Variants in MTCP1 observed in about 807,000 individuals in gnomAD.
MTCP1 encodes mature T cell proliferation 1, also known as protein p13 MTCP-1.
In MTCP1, 2 loss-of-function variants were observed where a neutral mutation model predicts 10.6. That is an observed-to-expected ratio of 0.19 (90% CI 0.08 to 0.59). The LOEUF (loss-of-function observed/expected upper bound fraction) is 0.59, where lower values mean the gene tolerates loss of function less well. Ranked by LOEUF, MTCP1 falls within the 20% of genes least tolerant of loss-of-function variation. The pLI is 0.90. For synonymous variants in MTCP1, 29 were observed against 34.4 expected, an observed-to-expected ratio of 0.84 and a Z score of 0.55; for missense variants, 33 against 91.5, an observed-to-expected ratio of 0.36 and a Z score of 2.61.
chrX:155,067,094 C>T (rs1438639576), intron 1 of MTCP1, among the ~76,000 whole-genome samples: 1 of 111,568 alleles, frequency 9.0e-6, no homozygotes, highest in Non-Finnish European at 1.9e-5. Flanking sequence ...AGCTGCCCCT[C>T]AAAACAAAGA....
At chrX:155,070,473 T>G (rs1281054625) in intron 1 of MTCP1, among the ~76,000 whole-genome samples, 32 of 111,920 alleles carry the variant, frequency 2.9e-4, no homozygotes, top group Non-Finnish European at 3.8e-5. Context: ...ATATTTTTAC[T>G]GTCTGATATC....
At chrX:155,069,963 CATATG>C (rs2073964785) in intron 1 of MTCP1, among the ~76,000 whole-genome samples, 2 of 112,568 alleles carry the variant, frequency 1.8e-5, no homozygotes, top group Admixed American at 9.4e-5. Context: ...CTGAAAATAA[CATATG>C]ATATAAAATT....
At position 155,065,793 on chromosome X, in the gene MTCP1, A is replaced by G. The variant is rs781833703; in HGVS notation, c.106-4T>C. On this transcript the variant is annotated splice_region_variant and splice_polypyrimidine_tract_variant and intron_variant, in intron 2 of 4. Transcript: ENST00000369476. Reference sequence around the variant, plus strand: ...GTGCCCTTAGGAAACTCGTCTCCTAATGGAAAGGAATGATCAAAAATAAAA... The same window carrying G: ...GTGCCCTTAGGAAACTCGTCTCCTAGTGGAAAGGAATGATCAAAAATAAAA... 8.3e-7 allele frequency: 1 copy of G among 1,208,260 alleles called. No individual in the cohort carries two copies. Among genetic ancestry groups the G allele is most frequent in the Admixed American group, 2.2e-5 (1 of 45,661 alleles).
Position 155,065,669 on chromosome X carries a change from G to A in MTCP1, c.226C>T (p.Arg76Cys), listed in dbSNP as rs782688737. ...AAGCGAGAGTTGTTATCCATGTAGC[G>A]CTCCTCCGGGTAGAGTTGCCACATG... The part of the protein sequence containing the change: ...PLMWQLYPEE[R>C]YMDNNSRLWQ... Residue 76 changes from arginine (R) to cysteine (C), a missense_variant, in exon 3 of 5, where the codon CGC becomes TGC. Transcript: ENST00000369476. The A allele has an allele frequency of 8.3e-6, 10 of 1,209,598 alleles. No homozygotes were observed. Among genetic ancestry groups the A allele is most frequent in the African/African-American group, 1.7e-5 (1 of 57,168 alleles).
In MTCP1 at chrX:155,065,778, G is replaced by A; in HGVS notation, c.117C>T (p.Phe39=). Reference sequence around the variant, plus strand: ...GAATTTGCTGGACTCGTGCCCTTAGGAAACTCGTCTCCTAATGGAAAGGAA... The same window carrying A: ...GAATTTGCTGGACTCGTGCCCTTAGAAAACTCGTCTCCTAATGGAAAGGAA... ...WVAVVEEETS[F]LRARVQQIQV... The change falls in exon 3 of 5, where the codon TTC becomes TTT. Residue 39 remains phenylalanine, a synonymous_variant. Transcript: ENST00000369476. 1 of 1,210,942 alleles carries A rather than the reference G, an allele frequency of 8.3e-7. No individual in the cohort carries two copies. Among genetic ancestry groups the A allele is most frequent in the Non-Finnish European group, 1.1e-6 (1 of 895,057 alleles).
chrX:155,064,654 A>C lies in MTCP1; in HGVS notation c.*750T>G, dbSNP rs1557291888. On this transcript the variant is annotated 3_prime_UTR_variant, in exon 5 of 5. Coordinates refer to ENST00000369476, the MANE Select transcript of MTCP1 (RefSeq NM_001018025.4). ...TATTTGGTGTTATTACTTCCTGAGA[A>C]AGGTGCCAGTTAAGCAGCTAAAATG... The C allele has an allele frequency of 1.8e-5, 2 of 112,302 alleles. No homozygotes were observed. Among genetic ancestry groups the C allele is most frequent in the Non-Finnish European group, 1.9e-5 (1 of 53,272 alleles). The allele number at this position is 112,302 out of a possible 1,213,427, so 9.3% of individuals were successfully genotyped here.
chrX:155,070,227 G>A lies in MTCP1; in HGVS notation c.-48+467C>T, dbSNP rs187070358. On this transcript the variant is annotated intron_variant, in intron 1 of 4. Transcript: ENST00000369476. ...CATCAACACTTCAAGTAGCACCTTG[G>A]GAATGTTCCCTTTCCAGTACTGCCA... 3.8e-3 allele frequency among the ~76,000 whole-genome samples: 426 copies of A among 111,641 alleles called. 2 individuals carry two copies. The highest frequency in any genetic ancestry group is 5.9e-3 in the Non-Finnish European group (314 of 53,091).
intron 1 of MTCP1, among the ~76,000 whole-genome samples, chrX:155,070,000 A>AG (rs1386987730): frequency 8.9e-6 from 1 of 112,421 alleles, no homozygotes; most frequent in Non-Finnish European, 1.9e-5. Context: ...AAATTTAGAC[A>AG]GGTCCAATGT....
Position 155,064,178 on chromosome X carries a change from T to G in MTCP1, c.*1226A>C. ...ACACTAAAAATACTCTTCCCAAACA[T>G]AGGATGAATCAACTGTATTTTTATA... On this transcript the variant is annotated 3_prime_UTR_variant, in exon 5 of 5. Transcript: ENST00000369476. The G allele has an allele frequency of 2.7e-6, 1 of 363,654 alleles. No homozygotes were observed. Among genetic ancestry groups the G allele is most frequent in the Non-Finnish European group, 4.8e-6 (1 of 207,750 alleles). The allele number at this position is 363,654 out of a possible 1,213,427, so 30.0% of individuals were successfully genotyped here.
chrX:155,064,318 G>T lies in MTCP1; in HGVS notation c.*1086C>A, dbSNP rs782044645. On this transcript the variant is annotated 3_prime_UTR_variant, in exon 5 of 5. Transcript: ENST00000369476. Reference sequence around the variant, plus strand: ...CCAACGTTAGGCTAGAGGAGCCGACGGCGCAGCCTGGCTCTATCATTCGCA... The same window carrying T: ...CCAACGTTAGGCTAGAGGAGCCGACTGCGCAGCCTGGCTCTATCATTCGCA... 4 of 180,326 alleles carry T rather than the reference G, an allele frequency of 2.2e-5. No homozygotes were observed. In the East Asian group the frequency reaches 4.2e-4, roughly 19 times the overall value. The allele number at this position is 180,326 out of a possible 1,213,427, so 14.9% of individuals were successfully genotyped here.
rs782012381 is a variant in MTCP1, at chrX:155,065,897, AAC to A, written c.105+7_105+8del. On this transcript the variant is annotated splice_region_variant and intron_variant, in intron 2 of 4. Coordinates refer to ENST00000369476, the MANE Select transcript of MTCP1 (RefSeq NM_001018025.4). ...AAATCAAAGAAATAAGCAAAATGTA[AAC>A]AGTTACCTCTTCCACGACGGCCACC... The A allele has an allele frequency of 2.5e-6, 3 of 1,206,574 alleles. No homozygotes were observed. The highest frequency in any genetic ancestry group is 2.3e-4 in the Middle Eastern group (1 of 4,334).
rs782641293 is a variant in MTCP1 at position 155,071,058 on chromosome X, C to T, written c.-412G>A. The T allele has an allele frequency of 8.9e-6, 1 of 112,570 alleles. No individual in the cohort carries two copies. Among genetic ancestry groups the T allele is most frequent in the African/African-American group, 3.2e-5 (1 of 31,225 alleles). 9.3% of individuals were successfully genotyped at this position (112,570 alleles called of 1,213,427 possible). A position where few individuals can be genotyped will look rare whatever the true frequency, so the allele number is the denominator to read the frequency against. Reference sequence around the variant, plus strand: ...CCAAGCGTGTAGGCCGCGCACGGGTCTCCTTAGCGGGCGGGCAAAATGGGC... The same window carrying T: ...CCAAGCGTGTAGGCCGCGCACGGGTTTCCTTAGCGGGCGGGCAAAATGGGC... On this transcript the variant is annotated 5_prime_UTR_variant, in exon 1 of 5. Transcript: ENST00000369476.
At position 155,065,139 on chromosome X, in the gene MTCP1, T is replaced by C. The variant is rs1004271514; in HGVS notation, c.*265A>G. On this transcript the variant is annotated 3_prime_UTR_variant, in exon 5 of 5. Coordinates refer to ENST00000369476, the MANE Select transcript of MTCP1 (RefSeq NM_001018025.4). ...CCGATGATGTCCATTAAGGGTTCTA[T>C]GGCAATTTCCAAAGGAGTCAATTTC... is the stretch of plus-strand genomic sequence containing the variant. 3 of 264,747 alleles carry C rather than the reference T, an allele frequency of 1.1e-5. No homozygotes were observed. The highest frequency in any genetic ancestry group is 2.7e-5 in the African/African-American group (1 of 36,613). The allele number at this position is 264,747 out of a possible 1,213,427, so 21.8% of individuals were successfully genotyped here. A position where few individuals can be genotyped will look rare whatever the true frequency, so the allele number is the denominator to read the frequency against.
intron 1 of MTCP1, among the ~76,000 whole-genome samples, chrX:155,067,041 C>T (rs892388624): frequency 8.9e-6 from 1 of 112,096 alleles, no homozygotes; most frequent in African/African-American, 3.2e-5. Context: ...CGCAGTTGTA[C>T]TGTATTTCTA....
chrX:155,070,374 CGT>C (rs1381311640), intron 1 of MTCP1, among the ~76,000 whole-genome samples: 2 of 112,126 alleles, frequency 1.8e-5, no homozygotes, highest in Non-Finnish European at 3.8e-5. Context: ...TCAAAATCCA[CGT>C]GTGATTCCTA....
intron 1 of MTCP1, among the ~76,000 whole-genome samples, 194 bp downstream of exon 1, chrX:155,070,500 C>G (rs1397768652): frequency 1.8e-5 from 2 of 111,216 alleles, no homozygotes; most frequent in Non-Finnish European, 3.8e-5. Context: ...ACAAGGAGAC[C>G]CGAGGAAACT....
Position 155,065,525 on chromosome X carries a change from G to C in MTCP1, c.289C>G (p.Gln97Glu). 1 of 1,211,148 alleles carries C rather than the reference G, an allele frequency of 8.3e-7. No individual in the cohort carries two copies. The highest frequency in any genetic ancestry group is 3.0e-5 in the East Asian group (1 of 33,858). Residue 97 changes from glutamine (Q) to glutamate (E), a missense_variant, in exon 4 of 5, where the codon CAG becomes GAG. Coordinates refer to ENST00000369476, the MANE Select transcript of MTCP1 (RefSeq NM_001018025.4). ...GGCAAAAGCTTAAGCAACAGCTCCTGTACTCCCCTGACCTGTCAGAAAAAG... is the reference window on the plus strand; with the variant it reads ...GGCAAAAGCTTAAGCAACAGCTCCTCTACTCCCCTGACCTGTCAGAAAAAG... Reference protein sequence around the residue: ...IQHHLMVRGVQELLLKLLPDD With the variant: ...IQHHLMVRGVEELLLKLLPDD
At position 155,070,692 on chromosome X, in the gene MTCP1, A is replaced by C. The variant is rs1557292406; in HGVS notation, c.-48+2T>G. The stretch of plus-strand genomic sequence containing the variant: ...ACACTGTTTCTGCAAAAGGTTACTC[A>C]CATGAATATAATGTTTCTTGGGCTA... On this transcript the variant is annotated splice_donor_variant, in intron 1 of 4. Coordinates refer to ENST00000369476, the MANE Select transcript of MTCP1 (RefSeq NM_001018025.4). LOFTEE classifies it low-confidence loss of function (5UTR_SPLICE). 1 of 112,567 alleles carries C rather than the reference A, an allele frequency of 8.9e-6. No homozygotes were observed. Among genetic ancestry groups the C allele is most frequent in the Non-Finnish European group, 1.9e-5 (1 of 53,254 alleles). 9.3% of individuals were successfully genotyped at this position (112,567 alleles called of 1,213,427 possible). A position where few individuals can be genotyped will look rare whatever the true frequency, so the allele number is the denominator to read the frequency against.
chrX:155,068,265 G>A (rs961560305), intron 1 of MTCP1, among the ~76,000 whole-genome samples: 3 of 112,273 alleles, frequency 2.7e-5, no homozygotes, highest in Non-Finnish European at 5.6e-5. Context: ...TGGAATAGAG[G>A]GCAAAGAGTT....
Sources: gnomAD v4.1 joint callset for allele counts (sites outside exome capture counted in the v4.1 genomes callset) on GRCh38, gnomAD v4.1.1 for gene constraint, MANE v1.5 for transcripts, NCBI Gene and HGNC (gene_info 2026-07-23, HGNC 2026-07-21) for gene names.